Variants in CDC5L observed in about 807,000 individuals in gnomAD.
CDC5L encodes cell division cycle 5 like, also known as cell division cycle 5-like protein.
In CDC5L, 18 loss-of-function variants were observed where a neutral mutation model predicts 104.1. The ratio of observed to expected loss-of-function variants is 0.17; its 90% CI spans 0.12 to 0.26. The LOEUF is 0.26. Among genes scored for constraint, CDC5L ranks in the 10% least tolerant of loss-of-function variants. The pLI, the probability that CDC5L is intolerant of heterozygous loss-of-function variation, is 1.00. For synonymous variants in CDC5L, 331 were observed against 322.7 expected, an observed-to-expected ratio of 1.03 and a Z score of -0.28; for missense variants, 673 against 956.9, an observed-to-expected ratio of 0.70 and a Z score of 3.91.
Position 44,408,332 on chromosome 6 carries a change from G to C in CDC5L, c.904-112G>C. 4 of 682,554 alleles carry C rather than the reference G, an allele frequency of 5.9e-6. No individual in the cohort carries two copies. In the South Asian group the frequency reaches 7.1e-5, roughly 12 times the overall value. The allele number at this position is 682,554 out of a possible 1,614,324, so 42.3% of individuals were successfully genotyped here. The stretch of plus-strand genomic sequence containing the variant: ...GCCCAGGTAGGTCCCGAACTCCTGG[G>C]CTCAAACAGTTTGCCCTCCTCGGCC... On this transcript the variant is annotated intron_variant, in intron 7 of 15. Transcript: ENST00000371477.
chr6:44,390,420 A>G (rs776278709), intron 2 of CDC5L, 49 bp downstream of exon 2: 2 of 1,114,340 alleles, frequency 1.8e-6, no homozygotes, highest in Admixed American at 3.8e-5. Flanking sequence ...CTTAATTATG[A>G]TGATGGAAAA....
At chr6:44,391,537 C>T (rs9462987) in intron 2 of CDC5L, among the ~76,000 whole-genome samples, 24,982 of 151,970 alleles carry the variant, frequency 0.16, 3,114 homozygotes, top group East Asian at 0.61. Context: ...CGTGAGCCAC[C>T]GCGCCCGGCT....
At chr6:44,421,884 C>T (rs1792196514) in intron 9 of CDC5L, among the ~76,000 whole-genome samples, 1 of 152,084 alleles carries the variant, frequency 6.6e-6, no homozygotes, top group African/African-American at 2.4e-5. Context: ...TTAGGGACAA[C>T]TGTATGTCTT....
intron 4 of CDC5L, among the ~76,000 whole-genome samples, chr6:44,395,048 A>G (rs1018394414): frequency 6.6e-6 from 1 of 152,102 alleles, no homozygotes; most frequent in Admixed American, 6.5e-5. Context: ...TCTTCCTCAT[A>G]TGTGGGAGCT....
intron 9 of CDC5L, among the ~76,000 whole-genome samples, chr6:44,419,852 C>A (rs1018774765): frequency 6.6e-5 from 10 of 151,786 alleles, no homozygotes; most frequent in African/African-American, 1.7e-4. Context: ...GCTTACGGAA[C>A]CCCTCTGCCT....
chr6:44,441,692 G>A (rs1018308096), intron 14 of CDC5L, among the ~76,000 whole-genome samples: 4 of 151,934 alleles, frequency 2.6e-5, no homozygotes, highest in Admixed American at 2.6e-4. Context: ...GTTTTGATTT[G>A]CATTTCTCTG....
chr6:44,443,888 T>C (rs1452703507), intron 14 of CDC5L, among the ~76,000 whole-genome samples: 1 of 152,052 alleles, frequency 6.6e-6, no homozygotes, highest in East Asian at 1.9e-4. Flanking sequence ...TATTTCTTAA[T>C]TGTTCTTGAC....
intron 5 of CDC5L, among the ~76,000 whole-genome samples, chr6:44,401,542 G>C (rs1257187291): frequency 6.6e-6 from 1 of 152,052 alleles, no homozygotes; most frequent in Non-Finnish European, 1.5e-5. Context: ...AGGAGTCCTG[G>C]GTTCTTGGCT....
At chr6:44,396,305 G>T (rs1421693279) in intron 4 of CDC5L, 36 bp from the exon 5 acceptor site, 1 of 1,443,726 alleles carries the variant, frequency 6.9e-7, no homozygotes, top group African/African-American at 1.4e-5. Context: ...TAAGAACTAA[G>T]AAAATACTTA....
chr6:44,440,450 C>G (rs1793130583), intron 14 of CDC5L, among the ~76,000 whole-genome samples: 1 of 148,926 alleles, frequency 6.7e-6, no homozygotes. Flanking sequence ...GTCATGTTGG[C>G]CAGGCTGGTC....
At chr6:44,409,940 G>A (rs1300651055) in intron 8 of CDC5L, among the ~76,000 whole-genome samples, 1 of 148,882 alleles carries the variant, frequency 6.7e-6, no homozygotes, top group South Asian at 2.1e-4. Flanking sequence ...TTTTTTTTTA[G>A]TTTTTTTTCA....
chr6:44,426,575 A>T lies in CDC5L; in HGVS notation c.1744A>T (p.Met582Leu). Reference protein sequence around the residue: ...EELIKKEMITMLHYDLLHHPY... With the variant: ...EELIKKEMITLLHYDLLHHPY... ...ACTAATCAAAAAAGAAATGATCACA[A>T]TGCTTCATTATGACCTTCTACATCA... Residue 582 changes from methionine (M) to leucine (L), a missense_variant, in exon 13 of 16, where the codon ATG becomes TTG. By Grantham distance (15) the Met-to-Leu change is conservative. Around this residue, in one of 4 missense-constraint regions of CDC5L, gnomAD observed 578 missense variants for 737.0 expected, o/e 0.78. Coordinates refer to ENST00000371477, the MANE Select transcript of CDC5L (RefSeq NM_001253.4). The T allele has an allele frequency of 1.2e-6, 2 of 1,613,238 alleles. No homozygotes were observed. Among genetic ancestry groups the T allele is most frequent in the South Asian group, 1.1e-5 (1 of 91,068 alleles).
rs1561973334 is a variant in CDC5L at position 44,414,427 on chromosome 6, TG to T, written c.1093-5021del. On this transcript the variant is annotated intron_variant, in intron 8 of 15. Transcript: ENST00000371477. ...GTGTGTGTGTGTGTGTGTGTGTGTG[TG>T]TGTATTTTTTTTTAGAAATAGCTAT... Among the ~76,000 whole-genome samples, 136 of 148,814 alleles carry T rather than the reference TG, an allele frequency of 9.1e-4. 1 individual carries two copies. The highest frequency in any genetic ancestry group is 3.3e-3 in the African/African-American group (132 of 40,162).
chr6:44,392,517 G>A, intron 2 of CDC5L, 150 bp from the exon 3 acceptor site: 1 of 614,480 alleles, frequency 1.6e-6, no homozygotes, highest in Non-Finnish European at 2.8e-6. Flanking sequence ...ATTGACTGGG[G>A]TAAGTGTAAC....
chr6:44,434,354 A>G (rs1792827932), intron 14 of CDC5L, among the ~76,000 whole-genome samples: 1 of 152,188 alleles, frequency 6.6e-6, no homozygotes, highest in South Asian at 2.1e-4. Flanking sequence ...GATGGTTGCT[A>G]ACTCATAGAT....
rs964305902 is a variant in CDC5L, at chr6:44,390,383, T to C, written c.149+12T>C. On this transcript the variant is annotated intron_variant, in intron 2 of 15. Coordinates refer to ENST00000371477, the MANE Select transcript of CDC5L (RefSeq NM_001253.4). ...TGCAAAGCCAGATGGTATGTATCAG[T>C]TTAATAAGTGGAAAACAGAAAAGGA... is the stretch of plus-strand genomic sequence containing the variant. 6.6e-7 allele frequency: 1 copy of C among 1,522,402 alleles called. No homozygotes were observed. Among genetic ancestry groups the C allele is most frequent in the Admixed American group, 1.7e-5 (1 of 57,870 alleles). 94.3% of individuals were successfully genotyped at this position (1,522,402 alleles called of 1,614,324 possible). A position where few individuals can be genotyped will look rare whatever the true frequency, so the allele number is the denominator to read the frequency against.
Position 44,413,227 on chromosome 6 carries a change from A to G in CDC5L, c.1092+4595A>G, listed in dbSNP as rs1478595135. Among the ~76,000 whole-genome samples the G allele has an allele frequency of 3.9e-5, 6 of 152,246 alleles. No individual in the cohort carries two copies. In the East Asian group the frequency reaches 9.6e-4, roughly 24 times the overall value. ...AGTTCCCTATTCTGCACATATATGT[A>G]AATGAAATCATATAATATATGATGT... is the stretch of plus-strand genomic sequence containing the variant. On this transcript the variant is annotated intron_variant, in intron 8 of 15. Transcript: ENST00000371477.
chr6:44,394,111 G>A (rs1312811804), intron 4 of CDC5L, among the ~76,000 whole-genome samples: 6 of 152,122 alleles, frequency 3.9e-5, no homozygotes, highest in African/African-American at 9.7e-5. Context: ...TAAGTGTTAC[G>A]GGGTGTGGTG....
At chr6:44,391,666 A>G (rs571233528) in intron 2 of CDC5L, among the ~76,000 whole-genome samples, 2 of 152,152 alleles carry the variant, frequency 1.3e-5, no homozygotes, top group Non-Finnish European at 2.9e-5. Context: ...TTTGGATTGT[A>G]TAAGAATGAC....
Sources: gnomAD v4.1 joint callset for allele counts (sites outside exome capture counted in the v4.1 genomes callset) on GRCh38, gnomAD v4.1.1 for gene constraint, gnomAD v4.1.1 regional missense constraint, MANE v1.5 for transcripts, NCBI Gene and HGNC (gene_info 2026-07-23, HGNC 2026-07-21) for gene names.